The following SNTG1 variants were observed in gnomAD, a reference collection of about 807,000 sequenced individuals.
SNTG1 encodes syntrophin gamma 1.
A neutral mutation model predicts 74.7 loss-of-function variants in SNTG1; 39 were observed. That is an observed-to-expected ratio of 0.52 (90% CI 0.40 to 0.68). The LOEUF is 0.68. Among genes scored for constraint, SNTG1 ranks in the 30% least tolerant of loss-of-function variants. SNTG1 has a pLI of 0.00. For missense variants in SNTG1, 685 were observed against 609.5 expected, an observed-to-expected ratio of 1.12 and a Z score of -1.30; for synonymous variants, 254 against 217.1, an observed-to-expected ratio of 1.17 and a Z score of -1.49.
intron 9 of SNTG1, among the ~76,000 whole-genome samples, chr8:50,521,424 T>C (rs1372501155): frequency 6.6e-6 from 1 of 151,904 alleles, no homozygotes; most frequent in Non-Finnish European, 1.5e-5. Context: ...CAATAAAAAA[T>C]AATTTTTGCT....
At chr8:49,924,133 T>C (rs1418369619) in intron 1 of SNTG1, among the ~76,000 whole-genome samples, 1 of 152,166 alleles carries the variant, frequency 6.6e-6, no homozygotes, top group Non-Finnish European at 1.5e-5. Context: ...ATTTTAGATA[T>C]GTAACTAATA....
chr8:50,484,037 G>A (rs1168731075), intron 8 of SNTG1, among the ~76,000 whole-genome samples: 1 of 151,742 alleles, frequency 6.6e-6, no homozygotes, highest in Non-Finnish European at 1.5e-5. Context: ...ATATGTATGA[G>A]GCTTTAAGTA....
At chr8:50,319,345 C>G (rs540926163) in intron 2 of SNTG1, among the ~76,000 whole-genome samples, 2 of 149,826 alleles carry the variant, frequency 1.3e-5, no homozygotes, top group African/African-American at 4.8e-5. Flanking sequence ...GCCTGGGGGA[C>G]AAAGCAAGAC....
intron 12 of SNTG1, among the ~76,000 whole-genome samples, chr8:50,570,561 TTTTTTA>T (rs1168288399): frequency 1.5e-5 from 2 of 132,924 alleles, no homozygotes; most frequent in South Asian, 2.4e-4. Flanking sequence ...TCCAGCCTTA[TTTTTTA>T]TTATTATTAT....
intron 2 of SNTG1, among the ~76,000 whole-genome samples, chr8:50,353,627 C>T (rs1239836988): frequency 2.0e-5 from 3 of 152,218 alleles, no homozygotes; most frequent in Admixed American, 6.5e-5. Context: ...AAGTCACATA[C>T]GTAATGAGCA....
intron 18 of SNTG1, among the ~76,000 whole-genome samples, chr8:50,768,602 C>A (rs1366659947): frequency 6.6e-6 from 1 of 152,032 alleles, no homozygotes; most frequent in Admixed American, 6.6e-5. Context: ...AGCTTTCAGT[C>A]TATCTGGCTT....
At chr8:50,780,348 TGGTA>T (rs973089134) in intron 18 of SNTG1, among the ~76,000 whole-genome samples, 2 of 152,212 alleles carry the variant, frequency 1.3e-5, no homozygotes, top group Non-Finnish European at 2.9e-5. Context: ...TCTTTTTGGT[TGGTA>T]AGCTATTGAT....
chr8:50,030,433 C>G (rs1442919841), intron 1 of SNTG1, among the ~76,000 whole-genome samples: 1 of 151,916 alleles, frequency 6.6e-6, no homozygotes, highest in Non-Finnish European at 1.5e-5. Flanking sequence ...CTATAGGTCC[C>G]AAAGATTTCC....
intron 2 of SNTG1, among the ~76,000 whole-genome samples, chr8:50,280,007 C>A (rs1030926775): frequency 6.6e-6 from 1 of 152,164 alleles, no homozygotes; most frequent in Non-Finnish European, 1.5e-5. Flanking sequence ...AGGGTAACTT[C>A]TACTCTGTTT....
chr8:50,646,946 A>C (rs2131207930), intron 13 of SNTG1, among the ~76,000 whole-genome samples: 1 of 152,320 alleles, frequency 6.6e-6, no homozygotes, highest in South Asian at 2.1e-4. Context: ...AAAAGGAAAA[A>C]GAATACAACA....
chr8:50,436,780 T>C (rs189016596), intron 4 of SNTG1, among the ~76,000 whole-genome samples: 55 of 152,302 alleles, frequency 3.6e-4, no homozygotes, highest in Non-Finnish European at 7.2e-4. Context: ...TAAAAAGACA[T>C]TTCTAATACA....
intron 1 of SNTG1, among the ~76,000 whole-genome samples, chr8:49,969,823 A>T (rs375883253): frequency 1.3e-5 from 2 of 152,106 alleles, no homozygotes; most frequent in East Asian, 3.9e-4. Context: ...AAGTTACAGA[A>T]TTTGAAAAGT....
chr8:50,309,489 G>A lies in SNTG1; in HGVS notation c.-27-84723G>A, dbSNP rs143612316. On this transcript the variant is annotated intron_variant, in intron 2 of 18. Transcript: ENST00000642720. Reference sequence around the variant, plus strand: ...AATGCTGGGAAAACAAATGAATTTCGTATCAGATGTTATTTTACTGTGCTC... The same window carrying A: ...AATGCTGGGAAAACAAATGAATTTCATATCAGATGTTATTTTACTGTGCTC... Among the ~76,000 whole-genome samples the A allele has an allele frequency of 1.1e-3, 170 of 152,208 alleles. 1 individual carries two copies. The highest frequency in any genetic ancestry group is 3.3e-3 in the African/African-American group (137 of 41,554).
At chr8:50,455,900 A>C (rs2093500623) in intron 8 of SNTG1, among the ~76,000 whole-genome samples, 1 of 152,174 alleles carries the variant, frequency 6.6e-6, no homozygotes, top group Non-Finnish European at 1.5e-5. Context: ...TAAGTGATTA[A>C]TACTGCCTTA....
At chr8:50,174,769 G>T (rs895530596) in intron 2 of SNTG1, among the ~76,000 whole-genome samples, 2 of 151,744 alleles carry the variant, frequency 1.3e-5, no homozygotes, top group Admixed American at 1.3e-4. Context: ...GTGCAGGTTT[G>T]TTACATATGT....
chr8:50,091,833 T>C (rs565361205), intron 1 of SNTG1, among the ~76,000 whole-genome samples: 17 of 152,212 alleles, frequency 1.1e-4, no homozygotes, highest in Admixed American at 3.3e-4. Context: ...AATTTTTTTT[T>C]CTCCTATTTG....
intron 1 of SNTG1, among the ~76,000 whole-genome samples, chr8:49,938,036 C>G (rs1808244022): frequency 6.6e-6 from 1 of 152,168 alleles, no homozygotes; most frequent in African/African-American, 2.4e-5. Flanking sequence ...CTCTCCCTTC[C>G]CTGGCTACAA....
At chr8:50,670,470 G>A (rs2095275053) in intron 15 of SNTG1, among the ~76,000 whole-genome samples, 1 of 151,380 alleles carries the variant, frequency 6.6e-6, no homozygotes, top group Non-Finnish European at 1.5e-5. Flanking sequence ...AAATACCTAG[G>A]AATCCAACTT....
chr8:50,059,417 G>A (rs1248346051), intron 1 of SNTG1, among the ~76,000 whole-genome samples: 1 of 151,896 alleles, frequency 6.6e-6, no homozygotes, highest in Non-Finnish European at 1.5e-5. Context: ...CTACAGAGGT[G>A]TACACCCATC....
Sources: allele counts gnomAD v4.1 joint callset (sites outside exome capture counted in the v4.1 genomes callset), GRCh38; gene constraint gnomAD v4.1.1; transcripts MANE v1.5; gene names NCBI Gene and HGNC (gene_info 2026-07-23, HGNC 2026-07-21).